The following RASA2 variants were observed in gnomAD, a reference collection of about 807,000 sequenced individuals.
RASA2 encodes RAS p21 protein activator 2.
Under a neutral mutation model 118.2 loss-of-function variants are expected in RASA2, and 155 were observed. That is an observed-to-expected ratio of 1.31 (90% CI 1.15 to 1.50). The LOEUF is 1.50. RASA2 is among the 40% of genes most tolerant of loss of function. The pLI is 0.00. For synonymous variants in RASA2, 353 were observed against 349.1 expected (o/e 1.01, Z -0.12); for missense variants, 1,016 against 1,009.6 (o/e 1.01, Z -0.09).
intron 1 of RASA2, among the ~76,000 whole-genome samples, chr3:141,490,335 CAAA>C (rs3075070): frequency 0.091 from 8,485 of 93,706 alleles, 663 homozygotes; most frequent in African/African-American, 0.24. Context: ...CTCCTCCCCT[CAAA>C]AAAAAAAAAA....
chr3:141,510,153 A>T (rs1431421687), intron 1 of RASA2, among the ~76,000 whole-genome samples: 1 of 152,172 alleles, frequency 6.6e-6, no homozygotes, highest in East Asian at 1.9e-4. Context: ...AAGATACTTG[A>T]GTTTATCTAG....
chr3:141,501,715 TTA>T (rs1164638281), intron 1 of RASA2, among the ~76,000 whole-genome samples: 2 of 152,310 alleles, frequency 1.3e-5, no homozygotes, highest in Non-Finnish European at 2.9e-5. Context: ...TTCAAAGACC[TTA>T]TGATATATTA....
intron 1 of RASA2, among the ~76,000 whole-genome samples, chr3:141,504,668 C>G (rs1255381161): frequency 2.0e-5 from 3 of 152,156 alleles, no homozygotes; most frequent in Admixed American, 6.5e-5. Flanking sequence ...TACCTTTCCC[C>G]TCTGCACTGA....
intron 17 of RASA2, among the ~76,000 whole-genome samples, chr3:141,584,317 C>G (rs1474767975): frequency 5.1e-5 from 1 of 19,688 alleles, no homozygotes; most frequent in Non-Finnish European, 1.0e-4. Flanking sequence ...GGCGACAGAA[C>G]AAAACTCCAT....
At position 141,608,098 on chromosome 3, in the gene RASA2, G is replaced by A. The variant is rs185947078; in HGVS notation, c.2016+338G>A. ...TAAGTAATACAGTCCCAAGCTATCTGTCCAGCTTTGTCTTCTGCTCCCATT... is the reference window on the plus strand; with the variant it reads ...TAAGTAATACAGTCCCAAGCTATCTATCCAGCTTTGTCTTCTGCTCCCATT... On this transcript the variant is annotated intron_variant, in intron 20 of 23. Transcript: ENST00000286364. Among the ~76,000 whole-genome samples the A allele has an allele frequency of 3.0e-4, 46 of 152,220 alleles. No homozygotes were observed. The Middle Eastern group carries it at 0.017, about 56-fold the overall frequency.
intron 1 of RASA2, among the ~76,000 whole-genome samples, chr3:141,507,678 TTTC>T (rs1483930800): frequency 2.0e-5 from 3 of 152,328 alleles, no homozygotes; most frequent in African/African-American, 7.2e-5. Flanking sequence ...GCCTTGTGCC[TTTC>T]TTAATATTCA....
intron 1 of RASA2, among the ~76,000 whole-genome samples, chr3:141,500,594 G>A (rs915857309): frequency 2.6e-5 from 4 of 152,184 alleles, no homozygotes; most frequent in East Asian, 3.9e-4. Flanking sequence ...TAAATGACTC[G>A]GTATACTGCC....
intron 9 of RASA2, among the ~76,000 whole-genome samples, chr3:141,561,241 C>G (rs1371489975): frequency 2.6e-5 from 4 of 152,054 alleles, no homozygotes; most frequent in Non-Finnish European, 5.9e-5. Flanking sequence ...AAATTATGTG[C>G]CAGACCACTC....
At chr3:141,494,591 T>G (rs2081677907) in intron 1 of RASA2, among the ~76,000 whole-genome samples, 1 of 152,170 alleles carries the variant, frequency 6.6e-6, no homozygotes, top group Non-Finnish European at 1.5e-5. Flanking sequence ...ATGGTCTCGA[T>G]CTCCTGATCT....
chr3:141,518,179 A>G (rs977118231), intron 3 of RASA2, among the ~76,000 whole-genome samples: 5 of 151,864 alleles, frequency 3.3e-5, no homozygotes, highest in African/African-American at 1.2e-4. Flanking sequence ...CAAGTCTCCT[A>G]CAGCTTAAAA....
chr3:141,512,994 C>T (rs112764849), intron 2 of RASA2, among the ~76,000 whole-genome samples: 3,352 of 148,902 alleles, frequency 0.023, 135 homozygotes, highest in African/African-American at 0.078. Flanking sequence ...ACCCAGGGGT[C>T]GGAGGTTGCA....
At chr3:141,546,801 T>G (rs942046590) in intron 5 of RASA2, among the ~76,000 whole-genome samples, 1 of 152,206 alleles carries the variant, frequency 6.6e-6, no homozygotes, top group African/African-American at 2.4e-5. Context: ...AGTTTCCCAA[T>G]GTTTTCTTGT....
chr3:141,551,206 G>A (rs2082570037), intron 5 of RASA2, among the ~76,000 whole-genome samples: 1 of 152,068 alleles, frequency 6.6e-6, no homozygotes. Flanking sequence ...TCGGCACTTG[G>A]TTAAGTTACT....
At chr3:141,514,994 A>T (rs9868956) in intron 2 of RASA2, among the ~76,000 whole-genome samples, 37,666 of 151,880 alleles carry the variant, frequency 0.25, 5,344 homozygotes, top group Non-Finnish European at 0.32. Flanking sequence ...GGCAGGTATG[A>T]TGGGGTAACT....
At chr3:141,584,028 GAAGAA>G (rs947842450) in intron 17 of RASA2, among the ~76,000 whole-genome samples, 5 of 151,822 alleles carry the variant, frequency 3.3e-5, no homozygotes, top group African/African-American at 9.7e-5. Context: ...AAAAAAAGAA[GAAGAA>G]AAGAAAAGAA....
intron 19 of RASA2, among the ~76,000 whole-genome samples, chr3:141,601,104 T>C (rs1410288446): frequency 6.6e-6 from 1 of 152,120 alleles, no homozygotes; most frequent in Admixed American, 6.6e-5. Flanking sequence ...AAATGAACTT[T>C]ACCCCACCTC....
At chr3:141,522,398 T>C (rs899109670) in intron 3 of RASA2, among the ~76,000 whole-genome samples, 1 of 152,042 alleles carries the variant, frequency 6.6e-6, no homozygotes, top group African/African-American at 2.4e-5. Flanking sequence ...ACCTGAGCAT[T>C]TTCCATATAG....
At chr3:141,498,227 G>A (rs898913490) in intron 1 of RASA2, among the ~76,000 whole-genome samples, 8 of 152,204 alleles carry the variant, frequency 5.3e-5, no homozygotes, top group Non-Finnish European at 1.2e-4. Context: ...AGAAGCAACA[G>A]ACAGAGGTTA....
chr3:141,504,613 CTCATTGAGAT>C (rs2081836381), intron 1 of RASA2, among the ~76,000 whole-genome samples: 1 of 152,152 alleles, frequency 6.6e-6, no homozygotes, highest in Admixed American at 6.5e-5. Context: ...CAAGTTTTCG[CTCATTGAGAT>C]TACTACAGTA....
Sources: gnomAD v4.1 joint callset for allele counts (sites outside exome capture counted in the v4.1 genomes callset) on GRCh38, gnomAD v4.1.1 for gene constraint, MANE v1.5 for transcripts, NCBI Gene and HGNC (gene_info 2026-07-23, HGNC 2026-07-21) for gene names.